XYLT1: variants seen among roughly 807,000 people sequenced by gnomAD.
XYLT1 encodes the protein xylosyltransferase 1.
A neutral mutation model predicts 91.3 loss-of-function variants in XYLT1; 36 were observed. That is an observed-to-expected ratio of 0.39 (90% CI 0.30 to 0.52). The LOEUF (loss-of-function observed/expected upper bound fraction) is 0.52. Ranked by LOEUF, XYLT1 falls within the 20% of genes least tolerant of loss-of-function variation. XYLT1 has a pLI of 0.68. For synonymous variants in XYLT1, 588 were observed against 532.0 expected, an observed-to-expected ratio of 1.11 and a Z score of -1.45; for missense variants, 1,242 against 1,284.5, an observed-to-expected ratio of 0.97 and a Z score of 0.51.
chr16:17,124,100 G>A (rs1264840668), intron 10 of XYLT1, among the ~76,000 whole-genome samples: 1 of 152,178 alleles, frequency 6.6e-6, no homozygotes, highest in Non-Finnish European at 1.5e-5. Context: ...TATCTTTTAA[G>A]TGAAGCTTTT....
At chr16:17,356,302 G>C (rs11859994) in intron 2 of XYLT1, among the ~76,000 whole-genome samples, 18,612 of 152,132 alleles carry the variant, frequency 0.12, 3,855 homozygotes, top group African/African-American at 0.42. Flanking sequence ...ATAAGGCAAA[G>C]GTGGTCAAGG....
chr16:17,463,743 T>C (rs1361477960), intron 1 of XYLT1, among the ~76,000 whole-genome samples: 1 of 152,210 alleles, frequency 6.6e-6, no homozygotes, highest in Non-Finnish European at 1.5e-5. Context: ...GGATTAATTA[T>C]CCAAAGGAAA....
Position 17,117,919 on chromosome 16 carries a change from G to T in XYLT1, c.2284C>A (p.Pro762Thr). 1 of 1,614,076 alleles carries T rather than the reference G, an allele frequency of 6.2e-7. No homozygotes were observed. Among genetic ancestry groups the T allele is most frequent in the East Asian group, 2.2e-5 (1 of 44,868 alleles). The change falls in exon 11 of 12, where the codon CCC (proline) becomes ACC (threonine). Residue 762 changes from proline to threonine, a missense_variant. This residue lies in a region of XYLT1 where 511 missense variants were observed against 497.0 expected (regional missense o/e 1.03). Transcript: ENST00000261381. ...LFRNFGGLLG[P>T]MDEPVGMQKW... ...TGCATACCCACCGGCTCATCCATGG[G>T]CCCCAGAAGACCCCCAAAGTTGCGG...
At chr16:17,429,932 ATT>A (rs34434695) in intron 1 of XYLT1, among the ~76,000 whole-genome samples, 2,198 of 119,272 alleles carry the variant, frequency 0.018, 24 homozygotes, top group African/African-American at 0.045. Context: ...TCCCATAATA[ATT>A]TTTTTTTTTT....
chr16:17,462,336 G>A (rs951082245), intron 1 of XYLT1, among the ~76,000 whole-genome samples: 9 of 152,144 alleles, frequency 5.9e-5, no homozygotes, highest in African/African-American at 2.2e-4. Flanking sequence ...TCATCTGGCA[G>A]GGTGTCTGGG....
chr16:17,102,854 TATC>T lies in XYLT1; in HGVS notation c.*5838_*5840del, dbSNP rs1966724563. ...ACAAAATAGTTATTTTTAAAAACTATATCACCACATGTCTTTGAAAACAATGAA... is the reference window on the plus strand; with the variant it reads ...ACAAAATAGTTATTTTTAAAAACTATACCACATGTCTTTGAAAACAATGAA... On this transcript the variant is annotated 3_prime_UTR_variant, in exon 12 of 12. Transcript: ENST00000261381. 6.6e-6 allele frequency: 1 copy of T among 152,498 alleles called. No individual in the cohort carries two copies. Among genetic ancestry groups the T allele is most frequent in the African/African-American group, 2.4e-5 (1 of 41,376 alleles). The allele number at this position is 152,498 out of a possible 1,614,324, so 9.4% of individuals were successfully genotyped here.
chr16:17,442,555 T>C (rs1304899768), intron 1 of XYLT1, among the ~76,000 whole-genome samples: 4 of 152,294 alleles, frequency 2.6e-5, no homozygotes, highest in Non-Finnish European at 5.9e-5. Flanking sequence ...CTCAACTCTC[T>C]GCAGACTTAT....
At chr16:17,137,240 G>GCCTTCGTTT (rs1567290389) in intron 8 of XYLT1, among the ~76,000 whole-genome samples, 1 of 152,106 alleles carries the variant, frequency 6.6e-6, no homozygotes, top group East Asian at 1.9e-4. Flanking sequence ...ACCCCTCCAT[G>GCCTTCGTTT]CCTTCGTTTC....
chr16:17,470,740 G>T lies in XYLT1; in HGVS notation c.57C>A (p.Leu19=). The change falls in exon 1 of 12, where the codon CTC becomes CTA. Residue 19 remains leucine, a synonymous_variant. Transcript: ENST00000261381. Reference sequence around the variant, plus strand: ...GCAGCAGCAGCACCGTGAGCGCCGCGAGCAGCGCCGAGTGCGAGCGCCGGG... The same window carrying T: ...GCAGCAGCAGCACCGTGAGCGCCGCTAGCAGCGCCGAGTGCGAGCGCCGGG... ...RLARRSHSAL[L]AALTVLLLQT... is the part of the protein sequence containing the mutation. The T allele has an allele frequency of 8.9e-7, 1 of 1,124,996 alleles. No individual in the cohort carries two copies. The allele number at this position is 1,124,996 out of a possible 1,614,324, so 69.7% of individuals were successfully genotyped here.
intron 11 of XYLT1, among the ~76,000 whole-genome samples, chr16:17,114,152 T>C (rs1966847660): frequency 6.6e-6 from 1 of 152,270 alleles, no homozygotes; most frequent in Non-Finnish European, 1.5e-5. Context: ...CTCTGGACCT[T>C]GCCCTCTGTA....
chr16:17,405,268 T>C (rs2036018415), intron 1 of XYLT1, among the ~76,000 whole-genome samples: 1 of 152,282 alleles, frequency 6.6e-6, no homozygotes, highest in East Asian at 1.9e-4. Flanking sequence ...CCAGCCCTCA[T>C]TTTCATGTCT....
chr16:17,239,001 T>C (rs2033293586), intron 3 of XYLT1, among the ~76,000 whole-genome samples: 1 of 152,218 alleles, frequency 6.6e-6, no homozygotes, highest in Non-Finnish European at 1.5e-5. Flanking sequence ...TAATGAACAA[T>C]CCAGGTGTCT....
intron 1 of XYLT1, among the ~76,000 whole-genome samples, chr16:17,381,992 C>A (rs976967767): frequency 1.1e-4 from 16 of 151,940 alleles, no homozygotes; most frequent in Non-Finnish European, 2.2e-4. Flanking sequence ...GATGACAATA[C>A]TGAGGCACAG....
Position 17,295,338 on chromosome 16 carries a change from TTTTGTTTTG to T in XYLT1, c.403-35849_403-35841del, listed in dbSNP as rs1043866032. Among the ~76,000 whole-genome samples the T allele has an allele frequency of 1.7e-4, 8 of 47,174 alleles. No homozygotes were observed. In the African/African-American group the frequency reaches 2.1e-3, roughly 12 times the overall value. 30.9% of individuals were successfully genotyped at this position (47,174 alleles called of 152,430 possible). A position where few individuals can be genotyped will look rare whatever the true frequency, so the allele number is the denominator to read the frequency against. ...AAAGCATTATAGAGCCAGGTTTTTG[TTTTGTTTTG>T]TTTTGTTTTGTTTTGTTTTGTTTTT... On this transcript the variant is annotated intron_variant, in intron 2 of 11. Coordinates refer to ENST00000261381, the MANE Select transcript of XYLT1 (RefSeq NM_022166.4).
chr16:17,125,907 C>T (rs532691583), intron 10 of XYLT1, among the ~76,000 whole-genome samples: 2 of 152,202 alleles, frequency 1.3e-5, no homozygotes, highest in East Asian at 1.9e-4. Flanking sequence ...CTTTTATTTC[C>T]AAGTCAACAG....
intron 1 of XYLT1, among the ~76,000 whole-genome samples, chr16:17,375,657 C>G (rs561004162): frequency 3.8e-4 from 58 of 152,332 alleles, no homozygotes; most frequent in Non-Finnish European, 7.3e-4. Flanking sequence ...TGGTCAAGTT[C>G]GGTGCTCAAG....
At position 17,323,425 on chromosome 16, in the gene XYLT1, C is replaced by T. The variant is rs1330869748; in HGVS notation, c.402+34587G>A. On this transcript the variant is annotated intron_variant, in intron 2 of 11. Coordinates refer to ENST00000261381, the MANE Select transcript of XYLT1 (RefSeq NM_022166.4). ...AGCAGGGATAATTAAAACCCCGGCT[C>T]CACTCTCCCCACTCCAGCAGCTGGA... 2.6e-5 allele frequency among the ~76,000 whole-genome samples: 4 copies of T among 152,170 alleles called. No homozygotes were observed. In the East Asian group the frequency reaches 7.7e-4, roughly 29 times the overall value.
chr16:17,137,144 G>C (rs146520508), intron 8 of XYLT1, among the ~76,000 whole-genome samples: 213 of 152,222 alleles, frequency 1.4e-3, no homozygotes, highest in African/African-American at 4.3e-3. Context: ...ACGAACGACA[G>C]AAAACCTGCA....
intron 5 of XYLT1, among the ~76,000 whole-genome samples, chr16:17,179,362 C>T (rs991328242): frequency 6.6e-6 from 1 of 152,140 alleles, no homozygotes; most frequent in Non-Finnish European, 1.5e-5. Flanking sequence ...TGCACATGTA[C>T]CCCTGAACCT....
Sources: allele counts gnomAD v4.1 joint callset (sites outside exome capture counted in the v4.1 genomes callset), GRCh38; gene constraint gnomAD v4.1.1; regional missense constraint gnomAD v4.1.1; transcripts MANE v1.5; gene names NCBI Gene and HGNC (gene_info 2026-07-23, HGNC 2026-07-21).